The following CRYBG3 variants were observed in gnomAD, a reference collection of about 807,000 sequenced individuals.
The protein encoded by CRYBG3 is crystallin beta-gamma domain containing 3, also known as very large A-kinase anchor protein.
A neutral mutation model predicts 244.2 loss-of-function variants in CRYBG3; 127 were observed. The ratio of observed to expected loss-of-function variants is 0.52; its 90% CI spans 0.45 to 0.60. The LOEUF (loss-of-function observed/expected upper bound fraction) is 0.60. Ranked by LOEUF, CRYBG3 falls within the 20% of genes least tolerant of loss-of-function variation. The pLI, the probability that CRYBG3 is intolerant of heterozygous loss-of-function variation, is 0.00. For synonymous variants in CRYBG3, 1,132 were observed against 1,195.8 expected (o/e 0.95, Z 1.10); for missense variants, 3,325 against 3,442.5 (o/e 0.97, Z 0.85).
intron 2 of CRYBG3, among the ~76,000 whole-genome samples, chr3:97,849,498 G>A (rs967334713): frequency 2.0e-5 from 3 of 152,030 alleles, no homozygotes; most frequent in African/African-American, 7.3e-5. Flanking sequence ...GTGTGTTACT[G>A]TGCTGTCCAG....
intron 15 of CRYBG3, among the ~76,000 whole-genome samples, chr3:97,908,918 C>T (rs2039825025): frequency 6.6e-6 from 1 of 152,102 alleles, no homozygotes; most frequent in South Asian, 2.1e-4. Context: ...GCGCTTCCTT[C>T]AGGAGCTCTT....
At chr3:97,856,340 A>G (rs902726738) in intron 2 of CRYBG3, among the ~76,000 whole-genome samples, 6 of 152,104 alleles carry the variant, frequency 3.9e-5, no homozygotes, top group Middle Eastern at 3.2e-3. Context: ...TTAAACACAC[A>G]TGCTCTACAA....
chr3:97,887,958 T>G (rs181835882), intron 8 of CRYBG3, among the ~76,000 whole-genome samples: 1 of 152,262 alleles, frequency 6.6e-6, no homozygotes. Context: ...AAACACCTTG[T>G]GGAATCCCTA....
At chr3:97,884,994 G>C (rs926648321) in intron 7 of CRYBG3, among the ~76,000 whole-genome samples, 9 of 152,120 alleles carry the variant, frequency 5.9e-5, no homozygotes, top group African/African-American at 2.2e-4. Flanking sequence ...TATGTATTTT[G>C]TTACTATAAC....
chr3:97,843,862 T>C (rs2108172646), intron 2 of CRYBG3, among the ~76,000 whole-genome samples: 1 of 152,314 alleles, frequency 6.6e-6, no homozygotes, highest in South Asian at 2.1e-4. Context: ...AGCGGTTTTC[T>C]AGAAATTTGA....
At chr3:97,898,207 C>G (rs1435882763) in intron 12 of CRYBG3, among the ~76,000 whole-genome samples, 1 of 146,430 alleles carries the variant, frequency 6.8e-6, no homozygotes, top group Non-Finnish European at 1.5e-5. Context: ...GCAACAAGAG[C>G]GAAACTGCTT....
chr3:97,943,324 C>T lies in CRYBG3; in HGVS notation c.*10C>T, dbSNP rs2040274445. On this transcript the variant is annotated 3_prime_UTR_variant, in exon 22 of 22. Coordinates refer to ENST00000389622, the MANE Select transcript of CRYBG3 (RefSeq NM_153605.4). ...CATTGAAATATTGTGAGAGAATCAACATCCCTAGAAAGATCCCTAGAAAGA... is the reference window on the plus strand; with the variant it reads ...CATTGAAATATTGTGAGAGAATCAATATCCCTAGAAAGATCCCTAGAAAGA... The T allele has an allele frequency of 1.4e-6, 2 of 1,465,488 alleles. No homozygotes were observed. Among genetic ancestry groups the T allele is most frequent in the African/African-American group, 1.4e-5 (1 of 71,572 alleles). The allele number at this position is 1,465,488 out of a possible 1,614,324, so 90.8% of individuals were successfully genotyped here. A position where few individuals can be genotyped will look rare whatever the true frequency, so the allele number is the denominator to read the frequency against.
In CRYBG3 at chr3:97,871,873, G is replaced by A; in HGVS notation, c.679G>A (p.Val227Ile). Residue 227 changes from valine to isoleucine, a missense_variant, in exon 4 of 22, where the codon GTA (valine) becomes ATA (isoleucine). By Grantham distance (29) the Val-to-Ile change is conservative. Around this residue, in one of 4 missense-constraint regions of CRYBG3, gnomAD observed 1,526 missense variants for 1,443.2 expected, o/e 1.06. Coordinates refer to ENST00000389622, the MANE Select transcript of CRYBG3 (RefSeq NM_153605.4). ...CGATGGTAAACCAGAGAAGCCTTCA[G>A]TAACATATGCAACATATCGAGGCCC... ...QIDGKPEKPS[V>I]TYATYRGPRH... is the part of the protein sequence containing the mutation. 1 of 1,516,152 alleles carries A rather than the reference G, an allele frequency of 6.6e-7. No individual in the cohort carries two copies. Among genetic ancestry groups the A allele is most frequent in the South Asian group, 1.3e-5 (1 of 79,660 alleles). 93.9% of individuals were successfully genotyped at this position (1,516,152 alleles called of 1,614,324 possible).
At chr3:97,909,900 T>TG (rs1393511472) in intron 15 of CRYBG3, among the ~76,000 whole-genome samples, 15 of 147,532 alleles carry the variant, frequency 1.0e-4, no homozygotes, top group Non-Finnish European at 2.0e-4. Flanking sequence ...TGGTCTTTGA[T>TG]GATGGTGATG....
At chr3:97,841,287 C>T (rs1312165176) in intron 1 of CRYBG3, among the ~76,000 whole-genome samples, 2 of 141,914 alleles carry the variant, frequency 1.4e-5, no homozygotes, top group African/African-American at 2.9e-5. Flanking sequence ...CATATAGGTG[C>T]GTACACCTAT....
intron 17 of CRYBG3, chr3:97,924,384 A>C (rs2040016920): frequency 2.2e-6 from 1 of 454,034 alleles, no homozygotes; most frequent in Non-Finnish European, 4.4e-6. Flanking sequence ...TTCTTCAAAC[A>C]GAAAAAGCAC....
intron 2 of CRYBG3, among the ~76,000 whole-genome samples, chr3:97,855,924 C>T (rs1472083507): frequency 6.6e-6 from 1 of 152,116 alleles, no homozygotes; most frequent in Non-Finnish European, 1.5e-5. Flanking sequence ...AATGAAGTTT[C>T]GGACACCACT....
At chr3:97,936,699 C>A (rs768407848) in intron 18 of CRYBG3, 86 bp from the exon 19 acceptor site, 1 of 1,373,774 alleles carries the variant, frequency 7.3e-7, no homozygotes, top group Non-Finnish European at 9.9e-7. Flanking sequence ...AGTTTATGAA[C>A]CCTATAAGGC....
intron 15 of CRYBG3, among the ~76,000 whole-genome samples, chr3:97,904,638 C>A (rs1453869063): frequency 1.3e-5 from 2 of 150,436 alleles, no homozygotes; most frequent in African/African-American, 2.4e-5. Flanking sequence ...GACAACCTGT[C>A]TCTCTTCTCA....
chr3:97,877,614 A>G lies in CRYBG3; in HGVS notation c.6420A>G (p.Glu2140=). 1 of 1,614,110 alleles carries G rather than the reference A, an allele frequency of 6.2e-7. No individual in the cohort carries two copies. Among genetic ancestry groups the G allele is most frequent in the Non-Finnish European group, 8.5e-7 (1 of 1,180,016 alleles). Residue 2140 remains glutamate (E), a synonymous_variant, in exon 4 of 22, where the codon GAA becomes GAG. Coordinates refer to ENST00000389622, the MANE Select transcript of CRYBG3 (RefSeq NM_153605.4). ...VSERLKMNFD[E]DDREAADEEE... is the part of the protein sequence containing the mutation. Reference sequence around the variant, plus strand: ...AACGTTTAAAGATGAATTTTGATGAAGATGACAGAGAGGCAGCTGATGAGG... The same window carrying G: ...AACGTTTAAAGATGAATTTTGATGAGGATGACAGAGAGGCAGCTGATGAGG...
Position 97,876,567 on chromosome 3 carries a change from T to C in CRYBG3, c.5373T>C (p.Thr1791=), listed in dbSNP as rs1339283927. Residue 1791 remains threonine, a synonymous_variant, in exon 4 of 22, where the codon ACT becomes ACC. Coordinates refer to ENST00000389622, the MANE Select transcript of CRYBG3 (RefSeq NM_153605.4). The part of the protein sequence containing the change: ...VLKMEATYRK[T]AEEVIKNTEI... ...AAATGGAAGCTACTTACCGAAAGAC[T>C]GCTGAAGAGGTCATTAAGAATACTG... 1.6e-6 allele frequency: 2 copies of C among 1,232,386 alleles called. No homozygotes were observed. The highest frequency in any genetic ancestry group is 1.0e-6 in the Non-Finnish European group (1 of 988,160). The allele number at this position is 1,232,386 out of a possible 1,614,324, so 76.3% of individuals were successfully genotyped here. A position where few individuals can be genotyped will look rare whatever the true frequency, so the allele number is the denominator to read the frequency against.
At chr3:97,932,969 C>G in intron 17 of CRYBG3, 1 of 305,070 alleles carries the variant, frequency 3.3e-6, no homozygotes, top group Non-Finnish European at 6.3e-6. Flanking sequence ...CACAGCATAT[C>G]TTTTTCTGCA....
intron 15 of CRYBG3, among the ~76,000 whole-genome samples, chr3:97,907,025 T>G (rs1305969301): frequency 1.3e-5 from 2 of 152,040 alleles, no homozygotes; most frequent in Non-Finnish European, 2.9e-5. Context: ...TGTCTTTGGC[T>G]CTGTTTATAT....
intron 1 of CRYBG3, among the ~76,000 whole-genome samples, chr3:97,830,796 GC>G (rs2038644822): frequency 6.6e-6 from 1 of 152,108 alleles, no homozygotes; most frequent in Non-Finnish European, 1.5e-5. Flanking sequence ...CTTGCACAGT[GC>G]CTTTTAAATT....
Sources: allele counts gnomAD v4.1 joint callset (sites outside exome capture counted in the v4.1 genomes callset), GRCh38; gene constraint gnomAD v4.1.1; regional missense constraint gnomAD v4.1.1; transcripts MANE v1.5; gene names NCBI Gene and HGNC (gene_info 2026-07-23, HGNC 2026-07-21).